OR52B6: variants seen among roughly 807,000 people sequenced by gnomAD.
OR52B6 encodes olfactory receptor 52B6.
For missense variants in OR52B6, 433 were observed against 416.8 expected (o/e 1.04, Z -0.34); for synonymous variants, 169 against 160.0 (o/e 1.06, Z -0.42).
chr11:5,581,831 A>G lies in OR52B6; in HGVS notation c.955A>G (p.Ile319Val), dbSNP rs1294200651. ...PVIYGVRTKP[I>V]LEGAKQMFSN... ...TATTTATGGAGTGAGGACTAAGCCA[A>G]TACTGGAAGGGGCTAAGCAGATGTT... The change falls in exon 1 of 1, where the codon ATA becomes GTA. Residue 319 changes from isoleucine (I) to valine (V), a missense_variant. Physicochemically the swap from Ile to Val is conservative, Grantham distance 29 (BLOSUM62 3). Coordinates refer to ENST00000345043, the MANE Select transcript of OR52B6 (RefSeq NM_001005162.2). The G allele has an allele frequency of 9.9e-6, 16 of 1,610,048 alleles. No homozygotes were observed. Among genetic ancestry groups the G allele is most frequent in the South Asian group, 1.1e-5 (1 of 90,228 alleles).
chr11:5,580,950 C>G lies in OR52B6; in HGVS notation c.74C>G (p.Ser25Cys), dbSNP rs770062839. Residue 25 changes from serine (S) to cysteine (C), a missense_variant, in exon 1 of 1, where the codon TCT becomes TGT. Transcript: ENST00000345043. The stretch of plus-strand genomic sequence containing the variant: ...AACAGCATAGGTGCTATGAACAACT[C>G]TGACACTCGCATAGCAGGCTGCTTC... Reference protein sequence around the residue: ...SANSIGAMNNSDTRIAGCFLT... With the variant: ...SANSIGAMNNCDTRIAGCFLT... The G allele has an allele frequency of 5.6e-6, 9 of 1,612,838 alleles. No homozygotes were observed. In the African/African-American group the frequency reaches 1.2e-4, roughly 22 times the overall value.
Position 5,581,276 on chromosome 11 carries a change from C to G in OR52B6, c.400C>G (p.Leu134Val). The G allele has an allele frequency of 1.2e-6, 2 of 1,614,142 alleles. No homozygotes were observed. Among genetic ancestry groups the G allele is most frequent in the East Asian group, 4.5e-5 (2 of 44,876 alleles). ...CTTCCTCTTCATTCACTCTGCTGTC[C>G]TGCTGGCCATGGCCTTTGACCGCTA... is the stretch of plus-strand genomic sequence containing the variant. ...IHFLFIHSAV[L>V]LAMAFDRYVA... The change falls in exon 1 of 1, where the codon CTG (leucine) becomes GTG (valine). Residue 134 changes from leucine to valine, a missense_variant. By Grantham distance (32) the Leu-to-Val change is conservative (BLOSUM62 1). Coordinates refer to ENST00000345043, the MANE Select transcript of OR52B6 (RefSeq NM_001005162.2).
Position 5,581,056 on chromosome 11 carries a change from AGGCAAT to A in OR52B6, c.185_190del (p.Asn62_Gly63del). 1 of 1,614,002 alleles carries A rather than the reference AGGCAAT, an allele frequency of 6.2e-7. No individual in the cohort carries two copies. The highest frequency in any genetic ancestry group is 1.1e-5 in the South Asian group (1 of 91,066). On this transcript the variant is annotated inframe_deletion, in exon 1 of 1. Transcript: ENST00000345043. ...GCATCATGTACATCACTGCCCTGGA[AGGCAAT>A]GGCATCCTAATTTGTGTCATCCTCT...
rs754488988 is a variant in OR52B6 at position 5,581,652 on chromosome 11, C to G, written c.776C>G (p.Thr259Ser). 6.2e-6 allele frequency: 10 copies of G among 1,614,018 alleles called. No individual in the cohort carries two copies. In the East Asian group the frequency reaches 2.0e-4, roughly 32 times the overall value. Residue 259 changes from threonine (T) to serine (S), a missense_variant, in exon 1 of 1, where the codon ACC (threonine) becomes AGC (serine). Coordinates refer to ENST00000345043, the MANE Select transcript of OR52B6 (RefSeq NM_001005162.2). ...SQDARSKALS[T>S]CGSHICVILL... ...GATGCCCGCTCCAAGGCCCTGAGTA[C>G]CTGTGGATCCCATATCTGTGTCATC... is the stretch of plus-strand genomic sequence containing the variant.
In OR52B6 at chr11:5,581,062, T is replaced by A. The variant is rs771221890; in HGVS notation, c.186T>A (p.Asn62Lys). ...TGTACATCACTGCCCTGGAAGGCAA[T>A]GGCATCCTAATTTGTGTCATCCTCT... is the stretch of plus-strand genomic sequence containing the variant. Reference protein sequence around the residue: ...CIMYITALEGNGILICVILSQ... With the variant: ...CIMYITALEGKGILICVILSQ... Residue 62 changes from asparagine (N) to lysine (K), a missense_variant, in exon 1 of 1, where the codon AAT becomes AAA. Physicochemically the swap from Asn to Lys is moderately conservative, Grantham distance 94. Transcript: ENST00000345043. The A allele has an allele frequency of 1.2e-6, 2 of 1,614,064 alleles. No homozygotes were observed. Among genetic ancestry groups the A allele is most frequent in the South Asian group, 2.2e-5 (2 of 91,074 alleles).
At position 5,580,926 on chromosome 11, in the gene OR52B6, A is replaced by T. The variant is rs779752524; in HGVS notation, c.50A>T (p.Asn17Ile). Residue 17 changes from asparagine to isoleucine, a missense_variant, in exon 1 of 1, where the codon AAC becomes ATC. Asn to Ile is a moderately radical substitution (Grantham distance 149). Transcript: ENST00000345043. ...AAAATCATGGCCCTTTTTTCTGCTA[A>T]CAGCATAGGTGCTATGAACAACTCT... is the stretch of plus-strand genomic sequence containing the variant. ...LHKIMALFSA[N>I]SIGAMNNSDT... The T allele has an allele frequency of 2.6e-5, 41 of 1,600,378 alleles. No homozygotes were observed. The highest frequency in any genetic ancestry group is 3.4e-5 in the Non-Finnish European group (40 of 1,174,914).
rs751023860 is a variant in OR52B6, at chr11:5,581,644, C to A, written c.768C>A (p.Ala256=). 1 of 1,614,034 alleles carries A rather than the reference C, an allele frequency of 6.2e-7. No individual in the cohort carries two copies. Among genetic ancestry groups the A allele is most frequent in the Non-Finnish European group, 8.5e-7 (1 of 1,180,030 alleles). ...TTTCTCAAGATGCCCGCTCCAAGGC[C>A]CTGAGTACCTGTGGATCCCATATCT... is the stretch of plus-strand genomic sequence containing the variant. ...RLLSQDARSK[A]LSTCGSHICV... The change falls in exon 1 of 1, where the codon GCC becomes GCA. Residue 256 remains alanine (A), a synonymous_variant. Transcript: ENST00000345043.
Position 5,581,022 on chromosome 11 carries a change from T to C in OR52B6, c.146T>C (p.Ile49Thr). ...GLEQLHIWLS[I>T]PFCIMYITAL... is the part of the protein sequence containing the mutation. ...GAGCAACTACATATCTGGCTGTCCA[T>C]CCCCTTCTGCATCATGTACATCACT... The change falls in exon 1 of 1, where the codon ATC becomes ACC. Residue 49 changes from isoleucine to threonine, a missense_variant. By Grantham distance (89) the Ile-to-Thr change is moderately conservative (BLOSUM62 -1). Transcript: ENST00000345043. 1 of 1,614,052 alleles carries C rather than the reference T, an allele frequency of 6.2e-7. No individual in the cohort carries two copies. Among genetic ancestry groups the C allele is most frequent in the Non-Finnish European group, 8.5e-7 (1 of 1,179,956 alleles).
Position 5,581,642 on chromosome 11 carries a change from G to A in OR52B6, c.766G>A (p.Ala256Thr), listed in dbSNP as rs367796432. ...RLLSQDARSKALSTCGSHICV... is the reference protein window; with the variant it reads ...RLLSQDARSKTLSTCGSHICV... The stretch of plus-strand genomic sequence containing the variant: ...CCTTTCTCAAGATGCCCGCTCCAAG[G>A]CCCTGAGTACCTGTGGATCCCATAT... Residue 256 changes from alanine (A) to threonine (T), a missense_variant, in exon 1 of 1, where the codon GCC becomes ACC. Ala to Thr is a moderately conservative substitution (Grantham distance 58). Coordinates refer to ENST00000345043, the MANE Select transcript of OR52B6 (RefSeq NM_001005162.2). 251 of 1,613,908 alleles carry A rather than the reference G, an allele frequency of 1.6e-4. No individual in the cohort carries two copies. Among genetic ancestry groups the A allele is most frequent in the Non-Finnish European group, 2.1e-4 (244 of 1,180,028 alleles).
chr11:5,581,752 C>A lies in OR52B6; in HGVS notation c.876C>A (p.Val292=). 6.2e-7 allele frequency: 1 copy of A among 1,614,058 alleles called. No individual in the cohort carries two copies. Residue 292 remains valine, a synonymous_variant, in exon 1 of 1, where the codon GTC becomes GTA. Transcript: ENST00000345043. ...GTGGGAGAAGCGTCCCATGCTATGT[C>A]CATATTCTCCTGGCCAGCCTCTACG... ...RFGGRSVPCY[V]HILLASLYVV...
chr11:5,581,232 C>T lies in OR52B6; in HGVS notation c.356C>T (p.Thr119Ile), dbSNP rs568434204. 7.4e-6 allele frequency: 12 copies of T among 1,614,076 alleles called. No individual in the cohort carries two copies. The Admixed American group carries it at 1.3e-4, about 18-fold the overall frequency. ...CTCATTTCCTTTGATGGCTGCCTCA[C>T]TCAGATGTTCTTCATTCACTTCCTC... is the stretch of plus-strand genomic sequence containing the variant. ...YSLISFDGCL[T>I]QMFFIHFLFI... The change falls in exon 1 of 1, where the codon ACT becomes ATT. Residue 119 changes from threonine to isoleucine, a missense_variant. Coordinates refer to ENST00000345043, the MANE Select transcript of OR52B6 (RefSeq NM_001005162.2).
Position 5,581,664 on chromosome 11 carries a change from A to T in OR52B6, c.788A>T (p.His263Leu). 1 of 1,613,960 alleles carries T rather than the reference A, an allele frequency of 6.2e-7. No individual in the cohort carries two copies. The highest frequency in any genetic ancestry group is 8.5e-7 in the Non-Finnish European group (1 of 1,179,952). Residue 263 changes from histidine to leucine, a missense_variant, in exon 1 of 1, where the codon CAT becomes CTT. His to Leu is a moderately conservative substitution (Grantham distance 99). Transcript: ENST00000345043. ...AAGGCCCTGAGTACCTGTGGATCCC[A>T]TATCTGTGTCATCCTACTCTTCTAT... is the stretch of plus-strand genomic sequence containing the variant. Reference protein sequence around the residue: ...RSKALSTCGSHICVILLFYVP... With the variant: ...RSKALSTCGSLICVILLFYVP...
At position 5,581,023 on chromosome 11, in the gene OR52B6, C is replaced by T; in HGVS notation, c.147C>T (p.Ile49=). The T allele has an allele frequency of 6.2e-7, 1 of 1,614,108 alleles. No homozygotes were observed. The highest frequency in any genetic ancestry group is 8.5e-7 in the Non-Finnish European group (1 of 1,179,982). ...AGCAACTACATATCTGGCTGTCCAT[C>T]CCCTTCTGCATCATGTACATCACTG... ...GLEQLHIWLS[I]PFCIMYITAL... is the part of the protein sequence containing the mutation. The change falls in exon 1 of 1, where the codon ATC becomes ATT. Residue 49 remains isoleucine, a synonymous_variant. Coordinates refer to ENST00000345043, the MANE Select transcript of OR52B6 (RefSeq NM_001005162.2).
Position 5,581,107 on chromosome 11 carries a change from G to T in OR52B6, c.231G>T (p.Glu77Asp). The stretch of plus-strand genomic sequence containing the variant: ...TCCTCTCCCAGGCAATCCTGCATGA[G>T]CCCATGTACATATTCTTATCTATGC... ...CVILSQAILH[E>D]PMYIFLSMLA... Residue 77 changes from glutamate (E) to aspartate (D), a missense_variant, in exon 1 of 1, where the codon GAG becomes GAT. Transcript: ENST00000345043. 1 of 1,614,164 alleles carries T rather than the reference G, an allele frequency of 6.2e-7. No homozygotes were observed.
At position 5,581,673 on chromosome 11, in the gene OR52B6, T is replaced by A. The variant is rs543740764; in HGVS notation, c.797T>A (p.Val266Asp). The A allele has an allele frequency of 7.4e-6, 12 of 1,614,106 alleles. No homozygotes were observed. In the Admixed American group the frequency reaches 2.0e-4, roughly 27 times the overall value. Residue 266 changes from valine to aspartate, a missense_variant, in exon 1 of 1, where the codon GTC becomes GAC. Coordinates refer to ENST00000345043, the MANE Select transcript of OR52B6 (RefSeq NM_001005162.2). ...ALSTCGSHIC[V>D]ILLFYVPALF... ...AGTACCTGTGGATCCCATATCTGTG[T>A]CATCCTACTCTTCTATGTCCCTGCG...
Position 5,581,452 on chromosome 11 carries a change from C to T in OR52B6, c.576C>T (p.Ile192=). 1 of 1,614,030 alleles carries T rather than the reference C, an allele frequency of 6.2e-7. No individual in the cohort carries two copies. The highest frequency in any genetic ancestry group is 8.5e-7 in the Non-Finnish European group (1 of 1,179,926). Residue 192 remains isoleucine, a synonymous_variant, in exon 1 of 1, where the codon ATC becomes ATT. Transcript: ENST00000345043. ...ACCTGCACTATTGCCAGATCAATAT[C>T]ATTGCACACACATTTTGTGAGCACA... The part of the protein sequence containing the change: ...LEHLHYCQIN[I]IAHTFCEHMG...
chr11:5,581,395 C>T lies in OR52B6; in HGVS notation c.519C>T (p.Ile173=), dbSNP rs1807119929. The change falls in exon 1 of 1, where the codon ATC becomes ATT. Residue 173 remains isoleucine, a synonymous_variant. Transcript: ENST00000345043. ...CTGCCGCCCTGAGCCACAGCTTCAT[C>T]ATTATGTTTCCATCCATCTTTCTCC... ...IVTAALSHSF[I]IMFPSIFLLE... is the part of the protein sequence containing the mutation. 1 of 1,613,802 alleles carries T rather than the reference C, an allele frequency of 6.2e-7. No homozygotes were observed. The highest frequency in any genetic ancestry group is 1.1e-5 in the South Asian group (1 of 91,062).
chr11:5,581,557 C>A lies in OR52B6; in HGVS notation c.681C>A (p.Gly227=), dbSNP rs1485251570. Residue 227 remains glycine (G), a synonymous_variant, in exon 1 of 1, where the codon GGC becomes GGA. Coordinates refer to ENST00000345043, the MANE Select transcript of OR52B6 (RefSeq NM_001005162.2). Reference sequence around the variant, plus strand: ...TGGCAGCTGCTCTTCTCTCCACAGGCCTAGACATCATGCTTATTACTGTTT... The same window carrying A: ...TGGCAGCTGCTCTTCTCTCCACAGGACTAGACATCATGCTTATTACTGTTT... ...YGLAAALLST[G]LDIMLITVSY... is the part of the protein sequence containing the mutation. 4 of 1,614,022 alleles carry A rather than the reference C, an allele frequency of 2.5e-6. No individual in the cohort carries two copies. The Admixed American group carries it at 6.7e-5, about 27-fold the overall frequency.
Position 5,581,530 on chromosome 11 carries a change from G to A in OR52B6, c.654G>A (p.Gly218=), listed in dbSNP as rs181095649. The change falls in exon 1 of 1, where the codon GGG becomes GGA. Residue 218 remains glycine, a synonymous_variant. Transcript: ENST00000345043. ...CSDISINVWY[G]LAAALLSTGL... ...ATATCTCCATCAATGTCTGGTATGG[G>A]TTGGCAGCTGCTCTTCTCTCCACAG... 160 of 1,614,064 alleles carry A rather than the reference G, an allele frequency of 9.9e-5. No individual in the cohort carries two copies. In the African/African-American group the frequency reaches 2.0e-3, roughly 20 times the overall value.
Sources: allele counts gnomAD v4.1 joint callset, GRCh38; gene constraint gnomAD v4.1.1; transcripts MANE v1.5; gene names NCBI Gene and HGNC (gene_info 2026-07-23, HGNC 2026-07-21).